SLC39A10: variants seen among roughly 807,000 people sequenced by gnomAD.
SLC39A10 encodes solute carrier family 39 member 10.
SLC39A10 carries 13 observed loss-of-function variants against 65.1 expected under a neutral mutation model. The observed-to-expected ratio is 0.20, with a 90% CI of 0.13 to 0.32. SLC39A10 has a LOEUF of 0.32. Among genes scored for constraint, SLC39A10 ranks in the 10% least tolerant of loss-of-function variants. SLC39A10 has a pLI of 1.00. For missense variants in SLC39A10, 831 were observed against 1,018.4 expected, an observed-to-expected ratio of 0.82 and a Z score of 2.50; for synonymous variants, 321 against 342.2, an observed-to-expected ratio of 0.94 and a Z score of 0.68.
rs567291895 is a variant in SLC39A10 at position 195,705,099 on chromosome 2, A to G, written c.1217-1517A>G. 3.3e-5 allele frequency among the ~76,000 whole-genome samples: 5 copies of G among 152,266 alleles called. No homozygotes were observed. In the South Asian group the frequency reaches 1.0e-3, roughly 32 times the overall value. On this transcript the variant is annotated intron_variant, in intron 3 of 9. Coordinates refer to ENST00000359634, the MANE Select transcript of SLC39A10 (RefSeq NM_020342.3). ...GCGTGAGCCACCACGCCAGGCCGCA[A>G]TCCTCCTCATCCTTTCTTTCCACTA...
At chr2:195,647,382 C>G (rs1688943763) in intron 2 of SLC39A10, among the ~76,000 whole-genome samples, 1 of 152,016 alleles carries the variant, frequency 6.6e-6, no homozygotes, top group Admixed American at 6.6e-5. Context: ...ATGTGATACA[C>G]AAAGGCCTTC....
chr2:195,679,579 T>C (rs1213883292), intron 1 of SLC39A10, among the ~76,000 whole-genome samples: 1 of 152,248 alleles, frequency 6.6e-6, no homozygotes, highest in South Asian at 2.1e-4. Context: ...TAACATGATA[T>C]AGCCATCCGT....
intron 2 of SLC39A10, among the ~76,000 whole-genome samples, chr2:195,615,364 T>C (rs1298307504): frequency 1.3e-5 from 2 of 152,226 alleles, no homozygotes; most frequent in Non-Finnish European, 2.9e-5. Flanking sequence ...GTCTGGCTAT[T>C]GCTGCTCAGG....
intron 3 of SLC39A10, among the ~76,000 whole-genome samples, chr2:195,700,096 G>C (rs950794112): frequency 6.6e-6 from 1 of 152,002 alleles, no homozygotes; most frequent in Non-Finnish European, 1.5e-5. Flanking sequence ...TTCAGTTTCA[G>C]CCTGTTTGTG....
chr2:195,680,310 G>A lies in SLC39A10; in HGVS notation c.268G>A (p.Gly90Ser), dbSNP rs200474946. The change falls in exon 2 of 10, where the codon GGC (glycine) becomes AGC (serine). Residue 90 changes from glycine (G) to serine (S), a missense_variant. Gly to Ser is a moderately conservative substitution (Grantham distance 56). Coordinates refer to ENST00000359634, the MANE Select transcript of SLC39A10 (RefSeq NM_020342.3). ...FGLEKLLTNL[G>S]LGERKVVEIN... ...TTTGGAGAAACTTTTAACAAACTTG[G>A]GCCTTGGAGAGAGAAAAGTAGTTGA... The A allele has an allele frequency of 1.2e-6, 2 of 1,614,092 alleles. No individual in the cohort carries two copies. Among genetic ancestry groups the A allele is most frequent in the Admixed American group, 1.7e-5 (1 of 60,026 alleles).
chr2:195,677,044 TTG>T (rs1288092478), intron 1 of SLC39A10, among the ~76,000 whole-genome samples: 16 of 152,242 alleles, frequency 1.1e-4, no homozygotes, highest in Non-Finnish European at 1.9e-4. Flanking sequence ...TAATTACATT[TTG>T]TGATTGGTTT....
At chr2:195,712,796 C>T (rs780807274) in intron 5 of SLC39A10, among the ~76,000 whole-genome samples, 1 of 152,138 alleles carries the variant, frequency 6.6e-6, no homozygotes. Context: ...ATTATGTTCT[C>T]CATCTAAGTC....
intron 3 of SLC39A10, among the ~76,000 whole-genome samples, chr2:195,696,614 G>GTGCTAATCCCAC: frequency 6.6e-6 from 1 of 152,182 alleles, no homozygotes; most frequent in African/African-American, 2.4e-5. Context: ...GGGATTAGCA[G>GTGCTAATCCCAC]TGCTAATCCC....
intron 8 of SLC39A10, among the ~76,000 whole-genome samples, chr2:195,726,042 A>ATTCT (rs1692227062): frequency 6.6e-6 from 1 of 152,224 alleles, no homozygotes; most frequent in South Asian, 2.1e-4. Context: ...AATTCATAGA[A>ATTCT]GTCTACATTT....
In SLC39A10 at chr2:195,725,382, A is replaced by G. The variant is rs569092378; in HGVS notation, c.2147-2777A>G. Among the ~76,000 whole-genome samples the G allele has an allele frequency of 1.2e-4, 18 of 152,296 alleles. No individual in the cohort carries two copies. In the South Asian group the frequency reaches 2.9e-3, roughly 25 times the overall value. On this transcript the variant is annotated intron_variant, in intron 8 of 9. Coordinates refer to ENST00000359634, the MANE Select transcript of SLC39A10 (RefSeq NM_020342.3). ...CAATACATATCTGACAAAAGACTTCAATCATAGTAAAACAAACAGCCCAAC... is the reference window on the plus strand; with the variant it reads ...CAATACATATCTGACAAAAGACTTCGATCATAGTAAAACAAACAGCCCAAC...
intron 1 of SLC39A10, chr2:195,657,488 G>A (rs956974354): frequency 3.0e-6 from 3 of 985,492 alleles, no homozygotes; most frequent in African/African-American, 1.7e-5. Flanking sequence ...CGCGTGGTGG[G>A]CAGAGTGTTG....
intron 2 of SLC39A10, among the ~76,000 whole-genome samples, chr2:195,617,681 G>A (rs535375390): frequency 8.0e-6 from 1 of 125,686 alleles, no homozygotes; most frequent in East Asian, 2.2e-4. Flanking sequence ...GACCAGCCTA[G>A]GCAACATAGT....
At chr2:195,632,737 A>G (rs1688614892) in intron 2 of SLC39A10, among the ~76,000 whole-genome samples, 1 of 143,966 alleles carries the variant, frequency 6.9e-6, no homozygotes, top group African/African-American at 2.6e-5. Context: ...GGTGATGAAA[A>G]GATAGCACTT....
At chr2:195,726,161 T>C (rs1692232209) in intron 8 of SLC39A10, among the ~76,000 whole-genome samples, 1 of 152,198 alleles carries the variant, frequency 6.6e-6, no homozygotes, top group Non-Finnish European at 1.5e-5. Flanking sequence ...GGTTGTTACT[T>C]AGGAAGGAAC....
chr2:195,710,779 A>C (rs1161269239), intron 5 of SLC39A10, among the ~76,000 whole-genome samples: 1 of 152,254 alleles, frequency 6.6e-6, no homozygotes, highest in African/African-American at 2.4e-5. Flanking sequence ...GGGAAAGTTC[A>C]ACTTAGAGAA....
intron 2 of SLC39A10, among the ~76,000 whole-genome samples, chr2:195,630,129 G>T (rs200563843): frequency 1.4e-5 from 2 of 146,522 alleles, no homozygotes; most frequent in Admixed American, 6.8e-5. Context: ...GTGTGTGTGT[G>T]TGTGTATGGT....
At position 195,680,276 on chromosome 2, in the gene SLC39A10, C is replaced by CT; in HGVS notation, c.240dup (p.Gly81TrpfsTer18). ...GTTATGGTGAAAATGGAAGATTATC[C>CT]TTTTTTGGTTTGGAGAAACTTTTAA... is the stretch of plus-strand genomic sequence containing the variant. On this transcript the variant is annotated frameshift_variant, in exon 2 of 10. Coordinates refer to ENST00000359634, the MANE Select transcript of SLC39A10 (RefSeq NM_020342.3). LOFTEE classifies it high-confidence loss of function. 1.9e-6 allele frequency: 3 copies of CT among 1,613,900 alleles called. No individual in the cohort carries two copies. Among genetic ancestry groups the CT allele is most frequent in the Non-Finnish European group, 2.5e-6 (3 of 1,179,984 alleles).
In SLC39A10 at chr2:195,665,131, C is replaced by G. The variant is rs550021654; in HGVS notation, c.-12+7850C>G. ...CCTGAGGTCAGGAGTTTGAGACTAG[C>G]CTGGCCAACATGGCGTCTCTATTAA... is the stretch of plus-strand genomic sequence containing the variant. On this transcript the variant is annotated intron_variant, in intron 1 of 9. Transcript: ENST00000359634. Among the ~76,000 whole-genome samples, 5 of 152,194 alleles carry G rather than the reference C, an allele frequency of 3.3e-5. No homozygotes were observed. In the South Asian group the frequency reaches 1.0e-3, roughly 32 times the overall value.
chr2:195,713,526 G>T lies in SLC39A10; in HGVS notation c.1669G>T (p.Asp557Tyr). 1 of 1,574,214 alleles carries T rather than the reference G, an allele frequency of 6.4e-7. No homozygotes were observed. Among genetic ancestry groups the T allele is most frequent in the Non-Finnish European group, 8.6e-7 (1 of 1,168,914 alleles). The change falls in exon 6 of 10, where the codon GAC becomes TAC. Residue 557 changes from aspartate (D) to tyrosine (Y), a missense_variant. Asp to Tyr is a radical substitution (Grantham distance 160). Around this residue, in one of 4 missense-constraint regions of SLC39A10, gnomAD observed 230 missense variants for 242.9 expected, o/e 0.95. Coordinates refer to ENST00000359634, the MANE Select transcript of SLC39A10 (RefSeq NM_020342.3). ...CAAGTTAAACAATACACCAGATTCT[G>T]ACTGGCTTCAACTCAAGCCTCTTGC... is the stretch of plus-strand genomic sequence containing the variant. ...DHKLNNTPDS[D>Y]WLQLKPLAGT...
Sources: allele counts gnomAD v4.1 joint callset (sites outside exome capture counted in the v4.1 genomes callset), GRCh38; gene constraint gnomAD v4.1.1; regional missense constraint gnomAD v4.1.1; transcripts MANE v1.5; gene names NCBI Gene and HGNC (gene_info 2026-07-23, HGNC 2026-07-21).